The following PLXDC2 variants were observed in gnomAD, a reference collection of about 807,000 sequenced individuals.
The protein encoded by PLXDC2 is plexin domain-containing protein 2.
A neutral mutation model predicts 68.9 loss-of-function variants in PLXDC2; 40 were observed. That is an observed-to-expected ratio of 0.58 (90% CI 0.45 to 0.76). PLXDC2 has a LOEUF of 0.76. PLXDC2 is among the 30% of genes least tolerant of loss of function. The probability of loss-of-function intolerance (pLI) is 0.00; values close to 1 mark genes in which losing one functional copy is unlikely to be tolerated. For missense variants in PLXDC2, 644 were observed against 661.9 expected (o/e 0.97, Z 0.30); for synonymous variants, 243 against 234.2 (o/e 1.04, Z -0.34).
rs57577021 is a variant in PLXDC2 at position 19,903,701 on chromosome 10, ATT to A, written c.112+86523_112+86524del. Among the ~76,000 whole-genome samples, 1,208 of 129,470 alleles carry A rather than the reference ATT, an allele frequency of 9.3e-3. 13 individuals are homozygous for A. Among genetic ancestry groups the A allele is most frequent in the African/African-American group, 0.03 (1,062 of 35,580 alleles). 84.9% of individuals were successfully genotyped at this position (129,470 alleles called of 152,430 possible). A position where few individuals can be genotyped will look rare whatever the true frequency, so the allele number is the denominator to read the frequency against. On this transcript the variant is annotated intron_variant, in intron 1 of 13. Transcript: ENST00000377252. ...ATTTAGTTCTGCTCTCATCTTCATT[ATT>A]TTTTTTTTTTTTCTGGTGGGTTTAG... is the stretch of plus-strand genomic sequence containing the variant.
At chr10:20,151,820 A>C (rs2131801966) in intron 6 of PLXDC2, among the ~76,000 whole-genome samples, 1 of 152,200 alleles carries the variant, frequency 6.6e-6, no homozygotes, top group African/African-American at 2.4e-5. Flanking sequence ...ATACATAGGG[A>C]AGTACGTGTA....
At chr10:19,818,850 C>T (rs1299264707) in intron 1 of PLXDC2, among the ~76,000 whole-genome samples, 1 of 152,002 alleles carries the variant, frequency 6.6e-6, no homozygotes, top group African/African-American at 2.4e-5. Context: ...TTAACTCCAC[C>T]ACAAACGAGG....
intron 5 of PLXDC2, among the ~76,000 whole-genome samples, chr10:20,145,990 A>G (rs1834072054): frequency 6.6e-6 from 1 of 152,190 alleles, no homozygotes; most frequent in Non-Finnish European, 1.5e-5. Context: ...CTTGTATTTA[A>G]TGCAGGAATG....
At chr10:19,973,699 C>G (rs2131613996) in intron 1 of PLXDC2, among the ~76,000 whole-genome samples, 1 of 152,226 alleles carries the variant, frequency 6.6e-6, no homozygotes, top group African/African-American at 2.4e-5. Context: ...AATTGCCAGT[C>G]TGAGAGGAAG....
chr10:20,217,368 G>A (rs949561292), intron 10 of PLXDC2, 58 bp from the exon 11 acceptor site: 7 of 1,474,640 alleles, frequency 4.7e-6, no homozygotes, highest in Middle Eastern at 1.8e-4. Context: ...TTTGATGTAA[G>A]TTCTAAAAAT....
chr10:20,161,755 G>T (rs573050814), intron 6 of PLXDC2, among the ~76,000 whole-genome samples: 2 of 152,148 alleles, frequency 1.3e-5, no homozygotes, highest in Admixed American at 1.3e-4. Context: ...AATGCGGCTG[G>T]GTGCAGTGGC....
intron 6 of PLXDC2, among the ~76,000 whole-genome samples, chr10:20,161,649 G>C (rs557228391): frequency 1.3e-5 from 2 of 151,790 alleles, no homozygotes; most frequent in African/African-American, 4.8e-5. Flanking sequence ...TAAAGGAAGG[G>C]GGTGAAAGGA....
At chr10:19,985,201 C>G (rs1263889704) in intron 1 of PLXDC2, among the ~76,000 whole-genome samples, 1 of 152,224 alleles carries the variant, frequency 6.6e-6, no homozygotes, top group Non-Finnish European at 1.5e-5. Context: ...GACACAGTCT[C>G]TGTTTATGGC....
At chr10:20,243,797 G>A (rs562412283) in intron 12 of PLXDC2, among the ~76,000 whole-genome samples, 23 of 152,304 alleles carry the variant, frequency 1.5e-4, no homozygotes, top group African/African-American at 4.3e-4. Context: ...AAAGGCTCAC[G>A]CCTGTAATCC....
intron 1 of PLXDC2, among the ~76,000 whole-genome samples, chr10:19,893,063 C>T (rs1837994283): frequency 6.6e-6 from 1 of 151,818 alleles, no homozygotes; most frequent in African/African-American, 2.4e-5. Flanking sequence ...TGACCTTCAT[C>T]AAAGAAGGGT....
chr10:20,189,102 C>G (rs1352069805), intron 9 of PLXDC2, among the ~76,000 whole-genome samples: 4 of 76,264 alleles, frequency 5.2e-5, no homozygotes, highest in African/African-American at 1.3e-4. Flanking sequence ...TTTAAGAATG[C>G]AAAGTAAAAG....
chr10:20,274,511 G>T (rs116847461), intron 13 of PLXDC2, among the ~76,000 whole-genome samples: 2,257 of 152,190 alleles, frequency 0.015, 30 homozygotes, highest in Non-Finnish European at 0.022. Flanking sequence ...AGGTAGTAAC[G>T]GGAGACTAGA....
chr10:19,890,229 T>A (rs1318459270), intron 1 of PLXDC2, among the ~76,000 whole-genome samples: 3 of 152,190 alleles, frequency 2.0e-5, no homozygotes, highest in Non-Finnish European at 2.9e-5. Context: ...ATTAATTTTT[T>A]AAAAATTTTA....
At chr10:20,124,160 C>A (rs2131765504) in intron 4 of PLXDC2, among the ~76,000 whole-genome samples, 1 of 152,262 alleles carries the variant, frequency 6.6e-6, no homozygotes, top group East Asian at 1.9e-4. Context: ...GGTAAATAAT[C>A]AGAGAGGCAT....
chr10:20,238,331 A>G (rs192409048), intron 12 of PLXDC2, among the ~76,000 whole-genome samples: 5 of 151,452 alleles, frequency 3.3e-5, no homozygotes, highest in Admixed American at 1.3e-4. Flanking sequence ...ATTTTCTAGT[A>G]TATACTTAAT....
chr10:20,097,323 A>C (rs1284764121), intron 4 of PLXDC2, among the ~76,000 whole-genome samples: 1 of 152,122 alleles, frequency 6.6e-6, no homozygotes, highest in Non-Finnish European at 1.5e-5. Flanking sequence ...AAAATAGCCC[A>C]TGTCGTGTTG....
chr10:20,026,330 G>T lies in PLXDC2; in HGVS notation c.325-20539G>T, dbSNP rs117215505. ...GAATGACATTTAATCTAAAAAGGCA[G>T]CTGGTTGGCATTTCAACTGCAAAGA... On this transcript the variant is annotated intron_variant, in intron 2 of 13. Coordinates refer to ENST00000377252, the MANE Select transcript of PLXDC2 (RefSeq NM_032812.9). Among the ~76,000 whole-genome samples the T allele has an allele frequency of 3.2e-4, 48 of 152,136 alleles. 4 individuals carry two copies. The East Asian group carries it at 9.3e-3, about 29-fold the overall frequency.
chr10:20,125,529 G>T (rs1006559653), intron 4 of PLXDC2, among the ~76,000 whole-genome samples: 1 of 152,090 alleles, frequency 6.6e-6, no homozygotes, highest in African/African-American at 2.4e-5. Context: ...ACAACTCTGA[G>T]ATTGCAAAAG....
chr10:20,183,599 A>G (rs777695562), intron 9 of PLXDC2, among the ~76,000 whole-genome samples: 1 of 151,932 alleles, frequency 6.6e-6, no homozygotes, highest in Non-Finnish European at 1.5e-5. Flanking sequence ...AAGGAGAAAT[A>G]AGGAAACATA....
Sources: gnomAD v4.1 joint callset for allele counts (sites outside exome capture counted in the v4.1 genomes callset) on GRCh38, gnomAD v4.1.1 for gene constraint, MANE v1.5 for transcripts, NCBI Gene and HGNC (gene_info 2026-07-23, HGNC 2026-07-21) for gene names.